Variants in ZNF276 observed in about 807,000 individuals in gnomAD.
The protein encoded by ZNF276 is centromere protein Z.
In ZNF276, 59 loss-of-function variants were observed where a neutral mutation model predicts 63.9. The observed-to-expected ratio is 0.92, with a 90% CI of 0.75 to 1.15. The LOEUF (loss-of-function observed/expected upper bound fraction) is 1.15. ZNF276 is among the 50% of genes most tolerant of loss of function. The probability of loss-of-function intolerance (pLI) is 0.00; values close to 1 mark genes in which losing one functional copy is unlikely to be tolerated. For missense variants in ZNF276, 1,084 were observed against 843.8 expected (o/e 1.28, Z -3.53); for synonymous variants, 496 against 348.4 (o/e 1.42, Z -4.72).
chr16:89,724,284 C>T (rs1052542470), intron 4 of ZNF276, among the ~76,000 whole-genome samples: 11 of 152,198 alleles, frequency 7.2e-5, no homozygotes, highest in Non-Finnish European at 1.5e-4. Context: ...GGGCCAGTTT[C>T]CCTCCGGCCT....
chr16:89,720,653 G>A (rs2061236293), upstream of ZNF276: 5 of 1,231,688 alleles, frequency 4.1e-6, no homozygotes, highest in East Asian at 3.5e-5. Flanking sequence ...CCCGGCTGGC[G>A]CCCGCTCCCA....
At chr16:89,723,762 GC>G in intron 4 of ZNF276, 53 bp downstream of exon 4, 1 of 1,528,654 alleles carries the variant, frequency 6.5e-7, no homozygotes, top group South Asian at 1.2e-5. Flanking sequence ...CCTCAGTGGG[GC>G]AGGGTTTTCA....
upstream of ZNF276, chr16:89,720,580 A>G (rs1422016761): frequency 2.5e-6 from 3 of 1,218,592 alleles, no homozygotes; most frequent in East Asian, 3.7e-5. Flanking sequence ...TGAGCTGTCC[A>G]AGGTCACTGC....
intron 4 of ZNF276, among the ~76,000 whole-genome samples, 181 bp downstream of exon 4, chr16:89,723,890 G>A (rs897450030): frequency 6.6e-6 from 1 of 152,254 alleles, no homozygotes; most frequent in African/African-American, 2.4e-5. Context: ...AGGGAGGGGC[G>A]GCCAGCCTGT....
chr16:89,721,228 C>T (rs2061259045), upstream of ZNF276: 4 of 219,872 alleles, frequency 1.8e-5, no homozygotes, highest in Non-Finnish European at 3.6e-5. Context: ...ACCTGCGCGC[C>T]GCGTGGCCTC....
chr16:89,734,061 C>T, intron 9 of ZNF276, 23 bp downstream of exon 9: 1 of 1,607,574 alleles, frequency 6.2e-7, no homozygotes, highest in Non-Finnish European at 8.5e-7. Flanking sequence ...CCAGTGTCGC[C>T]CACGCGGGTG....
At chr16:89,722,467 C>G in intron 1 of ZNF276, 64 bp from the exon 2 acceptor site, 1 of 1,518,424 alleles carries the variant, frequency 6.6e-7, no homozygotes, top group Non-Finnish European at 8.8e-7. Flanking sequence ...ACCTGGAGTC[C>G]GGGACGCCCT....
At position 89,740,024 on chromosome 16, in the gene ZNF276, A is replaced by G. The variant is rs878853665; in HGVS notation, c.*1778A>G. ...TCTGTCAACTGAAAGAGTGCCAGCC[A>G]GGATATCTTCCTCTTCTCTAAACAC... On this transcript the variant is annotated 3_prime_UTR_variant, in exon 11 of 11. Transcript: ENST00000443381. The G allele has an allele frequency of 1.9e-6, 3 of 1,614,182 alleles. No homozygotes were observed. Among genetic ancestry groups the G allele is most frequent in the Non-Finnish European group, 2.5e-6 (3 of 1,180,022 alleles).
chr16:89,734,650 G>A (rs1598019611), intron 9 of ZNF276, among the ~76,000 whole-genome samples: 1 of 152,152 alleles, frequency 6.6e-6, no homozygotes, highest in Non-Finnish European at 1.5e-5. Flanking sequence ...CAAGGCAGAA[G>A]GCATGAAGGC....
In ZNF276 at chr16:89,738,976, TAG is replaced by T. The variant is rs2062047195; in HGVS notation, c.*736_*737del. 5 of 1,614,204 alleles carry T rather than the reference TAG, an allele frequency of 3.1e-6. No homozygotes were observed. Among genetic ancestry groups the T allele is most frequent in the Non-Finnish European group, 4.2e-6 (5 of 1,180,026 alleles). The stretch of plus-strand genomic sequence containing the variant: ...TGTTATCAGTTCCACGGGGTTGCCC[TAG>T]AGAGAAAACAGGCAAACTCACAGGT... On this transcript the variant is annotated 3_prime_UTR_variant, in exon 11 of 11. Transcript: ENST00000443381.
rs1400752106 is a variant in ZNF276 at position 89,733,551 on chromosome 16, C to A, written c.1350C>A (p.Gly450=). ...CGGCCGTGTACCGAGGCGCTGACGGCATGAAGGTGAGCACTGGCTGTGCCT... is the reference window on the plus strand; with the variant it reads ...CGGCCGTGTACCGAGGCGCTGACGGAATGAAGGTGAGCACTGGCTGTGCCT... ...GCTAVYRGAD[G]MKKHIKEHHE... is the part of the protein sequence containing the mutation. Residue 450 remains glycine, a synonymous_variant, in exon 8 of 11, where the codon GGC becomes GGA. Coordinates refer to ENST00000443381, the MANE Select transcript of ZNF276 (RefSeq NM_001113525.2). 1 of 1,613,872 alleles carries A rather than the reference C, an allele frequency of 6.2e-7. No homozygotes were observed. Among genetic ancestry groups the A allele is most frequent in the African/African-American group, 1.3e-5 (1 of 74,944 alleles).
intron 6 of ZNF276, among the ~76,000 whole-genome samples, chr16:89,730,753 C>T (rs528595371): frequency 1.1e-4 from 16 of 152,306 alleles, no homozygotes; most frequent in East Asian, 5.8e-4. Context: ...CAGCTGCCAC[C>T]GTGAGACCCC....
In ZNF276 at chr16:89,722,764, C is replaced by T. The variant is rs1004634744; in HGVS notation, c.439C>T (p.His147Tyr). 14 of 1,610,614 alleles carry T rather than the reference C, an allele frequency of 8.7e-6. No individual in the cohort carries two copies. In the African/African-American group the frequency reaches 1.9e-4, roughly 21 times the overall value. The change falls in exon 2 of 11, where the codon CAC (histidine) becomes TAC (tyrosine). Residue 147 changes from histidine (H) to tyrosine (Y), a missense_variant. Physicochemically the swap from His to Tyr is moderately conservative, Grantham distance 83 (BLOSUM62 2). Coordinates refer to ENST00000443381, the MANE Select transcript of ZNF276 (RefSeq NM_001113525.2). ...KSCHAQFYQCHSLLKSFLQRV... is the reference protein window; with the variant it reads ...KSCHAQFYQCYSLLKSFLQRV... Reference sequence around the variant, plus strand: ...CTGCCACGCCCAGTTCTACCAGTGCCACAGCCTTCTCAAGTCCTTCCTGCA... The same window carrying T: ...CTGCCACGCCCAGTTCTACCAGTGCTACAGCCTTCTCAAGTCCTTCCTGCA...
chr16:89,723,254 C>G lies in ZNF276; in HGVS notation c.557-6C>G, dbSNP rs762929441. 3.1e-6 allele frequency: 5 copies of G among 1,613,110 alleles called. No homozygotes were observed. Among genetic ancestry groups the G allele is most frequent in the East Asian group, 4.5e-5 (2 of 44,884 alleles). Reference sequence around the variant, plus strand: ...TGGATCTGACATCTCTGTTGACTCTCTGCAGTGGATCTGATCACATCCAGC... The same window carrying G: ...TGGATCTGACATCTCTGTTGACTCTGTGCAGTGGATCTGATCACATCCAGC... On this transcript the variant is annotated splice_polypyrimidine_tract_variant and splice_region_variant and intron_variant, in intron 3 of 10. Transcript: ENST00000443381.
In ZNF276 at chr16:89,739,332, A is replaced by C; in HGVS notation, c.*1086A>C. On this transcript the variant is annotated 3_prime_UTR_variant, in exon 11 of 11. Coordinates refer to ENST00000443381, the MANE Select transcript of ZNF276 (RefSeq NM_001113525.2). ...GTGACAAATGGCTACAGACTGCTGG[A>C]AAGGTAGCAGGTGATGCCAAGGGAT... 1 of 1,612,222 alleles carries C rather than the reference A, an allele frequency of 6.2e-7. No individual in the cohort carries two copies. The highest frequency in any genetic ancestry group is 8.5e-7 in the Non-Finnish European group (1 of 1,178,574).
Position 89,739,623 on chromosome 16 carries a change from T to C in ZNF276, c.*1377T>C, listed in dbSNP as rs1365478162. 7 of 1,526,070 alleles carry C rather than the reference T, an allele frequency of 4.6e-6. No individual in the cohort carries two copies. The highest frequency in any genetic ancestry group is 6.2e-6 in the Non-Finnish European group (7 of 1,125,034). 94.5% of individuals were successfully genotyped at this position (1,526,070 alleles called of 1,614,324 possible). ...CTATTATCAGTGCTGGGGACACCCC[T>C]GGGGGTCGGGACGTGTACCCTGGGA... is the stretch of plus-strand genomic sequence containing the variant. On this transcript the variant is annotated 3_prime_UTR_variant, in exon 11 of 11. Transcript: ENST00000443381.
rs773903598 is a variant in ZNF276 at position 89,723,174 on chromosome 16, G to T, written c.547G>T (p.Ala183Ser). The T allele has an allele frequency of 3.1e-6, 5 of 1,613,116 alleles. No individual in the cohort carries two copies. The East Asian group carries it at 8.9e-5, about 29-fold the overall frequency. Residue 183 changes from alanine (A) to serine (S), a missense_variant, in exon 3 of 11, where the codon GCG (alanine) becomes TCG (serine). Physicochemically the swap from Ala to Ser is moderately conservative, Grantham distance 99. Coordinates refer to ENST00000443381, the MANE Select transcript of ZNF276 (RefSeq NM_001113525.2). Reference protein sequence around the residue: ...AQPPTGAEEGACLVDLITSSP... With the variant: ...AQPPTGAEEGSCLVDLITSSP... Reference sequence around the variant, plus strand: ...GCCCCCAACAGGGGCAGAGGAGGGAGCGTGTCTGGGTGAGTCCTCCCCCGG... The same window carrying T: ...GCCCCCAACAGGGGCAGAGGAGGGATCGTGTCTGGGTGAGTCCTCCCCCGG...
rs147406377 is a variant in ZNF276 at position 89,738,695 on chromosome 16, C to G, written c.*449C>G. 16 of 1,613,960 alleles carry G rather than the reference C, an allele frequency of 9.9e-6. No homozygotes were observed. The highest frequency in any genetic ancestry group is 1.4e-5 in the Non-Finnish European group (16 of 1,180,006). On this transcript the variant is annotated 3_prime_UTR_variant, in exon 11 of 11. Coordinates refer to ENST00000443381, the MANE Select transcript of ZNF276 (RefSeq NM_001113525.2). ...GCTCACCTCTGGGTCGCAGTCCCCA[C>G]GATCAGCCAGCAGCTGTGAGAGAGG...
In ZNF276 at chr16:89,740,150, T is replaced by C. The variant is rs1232163517; in HGVS notation, c.*1904T>C. On this transcript the variant is annotated 3_prime_UTR_variant, in exon 11 of 11. Transcript: ENST00000443381. The stretch of plus-strand genomic sequence containing the variant: ...GAGAATGGCCGACCTGGTGCTCCCA[T>C]GGGTAGGAGGGTACAGCCCTCAGCA... 24 of 1,440,024 alleles carry C rather than the reference T, an allele frequency of 1.7e-5. No individual in the cohort carries two copies. Among genetic ancestry groups the C allele is most frequent in the Non-Finnish European group, 2.2e-5 (23 of 1,022,558 alleles). The allele number at this position is 1,440,024 out of a possible 1,614,324, so 89.2% of individuals were successfully genotyped here. A position where few individuals can be genotyped will look rare whatever the true frequency, so the allele number is the denominator to read the frequency against.
Sources: gnomAD v4.1 joint callset for allele counts (sites outside exome capture counted in the v4.1 genomes callset) on GRCh38, gnomAD v4.1.1 for gene constraint, MANE v1.5 for transcripts, NCBI Gene and HGNC (gene_info 2026-07-23, HGNC 2026-07-21) for gene names.